Variants in CMIP observed in about 807,000 individuals in gnomAD.
CMIP encodes the protein c-Maf inducing protein, also known as C-Maf-inducing protein.
Under a neutral mutation model 97.3 loss-of-function variants are expected in CMIP, and 13 were observed. That is an observed-to-expected ratio of 0.13 (90% CI 0.09 to 0.21). The LOEUF is 0.21. Among genes scored for constraint, CMIP ranks in the 10% least tolerant of loss-of-function variants. CMIP has a pLI of 1.00. For synonymous variants in CMIP, 538 were observed against 436.3 expected (o/e 1.23, Z -2.91); for missense variants, 847 against 1,024.9 (o/e 0.83, Z 2.37).
chr16:81,707,032 G>T lies in CMIP; in HGVS notation c.2216G>T (p.Ser739Ile). The T allele has an allele frequency of 6.2e-7, 1 of 1,613,810 alleles. No homozygotes were observed. The highest frequency in any genetic ancestry group is 8.5e-7 in the Non-Finnish European group (1 of 1,179,802). Residue 739 changes from serine to isoleucine, a missense_variant, in exon 20 of 21, where the codon AGT becomes ATT. Around this residue, in one of 4 missense-constraint regions of CMIP, gnomAD observed 266 missense variants for 384.2 expected, o/e 0.69. Coordinates refer to ENST00000537098, the MANE Select transcript of CMIP (RefSeq NM_198390.3). Reference sequence around the variant, plus strand: ...TGTGCAGCCATGAAGAGTCTCTGCAGTTTAAACATGAACAGCACCAAGCTC... The same window carrying T: ...TGTGCAGCCATGAAGAGTCTCTGCATTTTAAACATGAACAGCACCAAGCTC... ...LALSSMKSLCSLNMNSTKLSA... is the reference protein window; with the variant it reads ...LALSSMKSLCILNMNSTKLSA...
intron 1 of CMIP, among the ~76,000 whole-genome samples, chr16:81,556,693 G>T (rs1403137011): frequency 6.6e-6 from 1 of 152,214 alleles, no homozygotes; most frequent in Non-Finnish European, 1.5e-5. Context: ...TTGCACAGCA[G>T]TGTGGATGGA....
intron 1 of CMIP, among the ~76,000 whole-genome samples, chr16:81,478,225 G>A (rs1908048370): frequency 6.6e-6 from 1 of 152,206 alleles, no homozygotes; most frequent in East Asian, 1.9e-4. Context: ...TCCGGAACAG[G>A]CCATCCTTTG....
At chr16:81,472,769 G>A (rs1265811228) in intron 1 of CMIP, among the ~76,000 whole-genome samples, 1 of 152,196 alleles carries the variant, frequency 6.6e-6, no homozygotes, top group East Asian at 1.9e-4. Context: ...CGTTGGGATG[G>A]TGAGTGCAGA....
At chr16:81,555,550 G>C (rs376520842) in intron 1 of CMIP, among the ~76,000 whole-genome samples, 1 of 152,192 alleles carries the variant, frequency 6.6e-6, no homozygotes, top group African/African-American at 2.4e-5. Flanking sequence ...CACATACACT[G>C]TCCGCTCCCT....
intron 2 of CMIP, among the ~76,000 whole-genome samples, chr16:81,612,284 C>A (rs564072263): frequency 6.6e-6 from 1 of 152,310 alleles, no homozygotes; most frequent in African/African-American, 2.4e-5. Context: ...AGGCTTCAGG[C>A]AAGATAAGAG....
chr16:81,471,531 A>G (rs1022806871), intron 1 of CMIP, among the ~76,000 whole-genome samples: 1 of 148,082 alleles, frequency 6.8e-6, no homozygotes, highest in Non-Finnish European at 1.5e-5. Context: ...TAATACACAT[A>G]CCAGTGTACA....
intron 1 of CMIP, among the ~76,000 whole-genome samples, chr16:81,450,192 G>A (rs1055087099): frequency 2.6e-5 from 4 of 152,200 alleles, no homozygotes; most frequent in Admixed American, 1.3e-4. Context: ...GGACTGACTC[G>A]TCTTGAAGGT....
rs1274934839 is a variant in CMIP, at chr16:81,639,376, T to C, written c.478-12827T>C. Among the ~76,000 whole-genome samples the C allele has an allele frequency of 2.6e-5, 4 of 152,094 alleles. No homozygotes were observed. In the East Asian group the frequency reaches 5.8e-4, roughly 22 times the overall value. ...TCACCACCATCCGTCTCCAGAACTT[T>C]CTCCTCTTCCCAAATGGAAACTCTG... On this transcript the variant is annotated intron_variant, in intron 3 of 20. Transcript: ENST00000537098.
intron 20 of CMIP, among the ~76,000 whole-genome samples, chr16:81,709,160 G>A (rs1370287518): frequency 1.3e-5 from 2 of 152,184 alleles, no homozygotes; most frequent in African/African-American, 4.8e-5. Context: ...AGCCTAGGGG[G>A]AGCCTCAAGT....
chr16:81,627,068 GTGTT>G lies in CMIP; in HGVS notation c.477+6146_477+6149del, dbSNP rs941913399. On this transcript the variant is annotated intron_variant, in intron 3 of 20. Coordinates refer to ENST00000537098, the MANE Select transcript of CMIP (RefSeq NM_198390.3). This position sits in a 1 kb window ranked among gnomAD's most constrained non-coding sequence, Gnocchi z 4.6. ...CATGTGAGGTGACTGTTTTATGTGTGTGTTTGTGTATGTGTGGTGTGTGGGGGTG... is the reference window on the plus strand; with the variant it reads ...CATGTGAGGTGACTGTTTTATGTGTGTGTGTATGTGTGGTGTGTGGGGGTG... Among the ~76,000 whole-genome samples, 3 of 149,560 alleles carry G rather than the reference GTGTT, an allele frequency of 2.0e-5. No individual in the cohort carries two copies. Among genetic ancestry groups the G allele is most frequent in the Non-Finnish European group, 4.5e-5 (3 of 67,394 alleles).
intron 1 of CMIP, among the ~76,000 whole-genome samples, chr16:81,591,658 G>T (rs1030481220): frequency 6.6e-6 from 1 of 152,046 alleles, no homozygotes; most frequent in Non-Finnish European, 1.5e-5. Context: ...TCAACACTCC[G>T]GACCTTCTGG....
chr16:81,678,212 TG>T (rs1904465536), intron 9 of CMIP, 62 bp from the exon 10 acceptor site: 1 of 1,280,120 alleles, frequency 7.8e-7, no homozygotes, highest in Non-Finnish European at 1.1e-6. Flanking sequence ...TTTAGTCTGA[TG>T]GGTCATGGTG....
intron 7 of CMIP, chr16:81,667,110 CGG>C (rs996578862): frequency 9.9e-5 from 15 of 151,998 alleles, no homozygotes; most frequent in Admixed American, 2.0e-4. Flanking sequence ...ATTTAGGAAA[CGG>C]GGGGAACGTA....
intron 1 of CMIP, among the ~76,000 whole-genome samples, chr16:81,581,129 A>C (rs1052611666): frequency 3.3e-5 from 5 of 152,080 alleles, no homozygotes; most frequent in African/African-American, 1.2e-4. Context: ...TGGCAGAATG[A>C]TACTCCATTG....
chr16:81,682,946 G>A (rs1402002978), intron 10 of CMIP, among the ~76,000 whole-genome samples: 1 of 152,242 alleles, frequency 6.6e-6, no homozygotes, highest in Non-Finnish European at 1.5e-5. Context: ...TGAAAAGAAC[G>A]TGGATTCGGG....
rs374971848 is a variant in CMIP at position 81,644,889 on chromosome 16, G to A, written c.478-7314G>A. On this transcript the variant is annotated intron_variant, in intron 3 of 20. Coordinates refer to ENST00000537098, the MANE Select transcript of CMIP (RefSeq NM_198390.3). ...TAGGCAAGGGCCCTTTCCTCGGGCC[G>A]AACGCAGTGCCACACACATACTAGA... is the stretch of plus-strand genomic sequence containing the variant. Among the ~76,000 whole-genome samples the A allele has an allele frequency of 3.5e-4, 53 of 152,326 alleles. No individual in the cohort carries two copies. The East Asian group carries it at 5.2e-3, about 15-fold the overall frequency.
intron 1 of CMIP, among the ~76,000 whole-genome samples, chr16:81,544,222 T>G (rs2150843795): frequency 6.6e-6 from 1 of 152,382 alleles, no homozygotes; most frequent in Admixed American, 6.5e-5. Context: ...TCAAGTCATG[T>G]GCACGCATCC....
chr16:81,529,513 C>G (rs1162956370), intron 1 of CMIP, among the ~76,000 whole-genome samples: 1 of 152,076 alleles, frequency 6.6e-6, no homozygotes, highest in African/African-American at 2.4e-5. Context: ...CTCATGGGCC[C>G]TCAAAGATGC....
intron 7 of CMIP, 109 bp downstream of exon 7, chr16:81,664,458 G>C (rs2151025481): frequency 9.6e-7 from 1 of 1,039,844 alleles, no homozygotes; most frequent in Non-Finnish European, 1.4e-6. Context: ...GGTTGGCCCA[G>C]CGTGACAGCC....
Sources: gnomAD v4.1 joint callset for allele counts (sites outside exome capture counted in the v4.1 genomes callset) on GRCh38, gnomAD v4.1.1 for gene constraint, gnomAD v4.1.1 regional missense constraint, Gnocchi (gnomAD v3.1) non-coding constraint, MANE v1.5 for transcripts, NCBI Gene and HGNC (gene_info 2026-07-23, HGNC 2026-07-21) for gene names.